Variants in PRKCE observed in about 807,000 individuals in gnomAD.
PRKCE encodes protein kinase C epsilon type.
A neutral mutation model predicts 85.4 loss-of-function variants in PRKCE; 16 were observed. The ratio of observed to expected loss-of-function variants is 0.19; its 90% confidence interval spans 0.13 to 0.28. PRKCE has a LOEUF of 0.28. Ranked by LOEUF, PRKCE falls within the 10% of genes least tolerant of loss-of-function variation. PRKCE has a pLI of 1.00. For missense variants in PRKCE, 573 were observed against 975.2 expected (o/e 0.59, Z 5.49); for synonymous variants, 388 against 371.5 (o/e 1.04, Z -0.51).
chr2:45,803,035 A>AT lies in PRKCE; in HGVS notation c.349-39958dup, dbSNP rs531342654. ...CACAGTATGAAAGGTATAGACACGT[A>AT]TTTTTTTAAGCAATAAGGTATGGCT... On this transcript the variant is annotated intron_variant, in intron 1 of 14. Coordinates refer to ENST00000306156, the MANE Select transcript of PRKCE (RefSeq NM_005400.3). Among the ~76,000 whole-genome samples, 32 of 152,196 alleles carry AT rather than the reference A, an allele frequency of 2.1e-4. 1 individual carries two copies. Among genetic ancestry groups the AT allele is most frequent in the Non-Finnish European group, 3.5e-4 (24 of 68,046 alleles).
intron 1 of PRKCE, among the ~76,000 whole-genome samples, chr2:45,688,596 T>C (rs1432719733): frequency 2.0e-5 from 3 of 152,226 alleles, no homozygotes; most frequent in African/African-American, 7.2e-5. Flanking sequence ...CTGGGCTTTG[T>C]TAATGGTGAA....
chr2:45,661,867 T>G (rs1046515515), intron 1 of PRKCE, among the ~76,000 whole-genome samples: 11 of 152,100 alleles, frequency 7.2e-5, no homozygotes, highest in African/African-American at 2.7e-4. Context: ...TCATGATGAG[T>G]GAATCTAGAA....
chr2:46,010,943 A>G, intron 10 of PRKCE: 1 of 1,416,568 alleles, frequency 7.1e-7, no homozygotes, highest in Non-Finnish European at 9.2e-7. Flanking sequence ...TGTCATCTGA[A>G]ATAAAGGATG....
intron 12 of PRKCE, among the ~76,000 whole-genome samples, chr2:46,147,821 T>C (rs1331445688): frequency 6.6e-6 from 1 of 152,168 alleles, no homozygotes; most frequent in Non-Finnish European, 1.5e-5. Context: ...GAGAATTGAG[T>C]CTTGAGTCCA....
intron 2 of PRKCE, among the ~76,000 whole-genome samples, chr2:45,848,576 G>T (rs1691988603): frequency 6.6e-6 from 1 of 152,200 alleles, no homozygotes; most frequent in Non-Finnish European, 1.5e-5. Context: ...CTCCCAAAGT[G>T]CTGGGATTAC....
At position 45,883,345 on chromosome 2, in the gene PRKCE, T is replaced by C. The variant is rs1695019515; in HGVS notation, c.412+40282T>C. On this transcript the variant is annotated intron_variant, in intron 2 of 14. Coordinates refer to ENST00000306156, the MANE Select transcript of PRKCE (RefSeq NM_005400.3). The stretch of plus-strand genomic sequence containing the variant: ...TGAGGCGCCCTGCAGGGATGACCCT[T>C]GGCTGGCCCATAGTGTGGGTGAAGA... 2.6e-5 allele frequency among the ~76,000 whole-genome samples: 4 copies of C among 152,338 alleles called. No homozygotes were observed. The South Asian group carries it at 8.3e-4, about 32-fold the overall frequency.
At chr2:45,977,653 A>T (rs1401576199) in intron 3 of PRKCE, among the ~76,000 whole-genome samples, 1 of 149,978 alleles carries the variant, frequency 6.7e-6, no homozygotes, top group Non-Finnish European at 1.5e-5. Flanking sequence ...AAAAAAAAAA[A>T]TCTGGAAGGA....
At chr2:46,150,481 C>T (rs1238595354) in intron 12 of PRKCE, among the ~76,000 whole-genome samples, 1 of 152,106 alleles carries the variant, frequency 6.6e-6, no homozygotes, top group East Asian at 1.9e-4. Flanking sequence ...TATAGTGGTC[C>T]TTTATAGGGA....
chr2:46,080,988 C>CACAA (rs1372391633), intron 10 of PRKCE, among the ~76,000 whole-genome samples: 1 of 151,878 alleles, frequency 6.6e-6, no homozygotes, highest in Non-Finnish European at 1.5e-5. Context: ...CACACACACA[C>CACAA]ACACACACAC....
chr2:46,062,871 C>T (rs953793467), intron 10 of PRKCE, among the ~76,000 whole-genome samples: 15 of 152,122 alleles, frequency 9.9e-5, no homozygotes, highest in African/African-American at 3.6e-4. Flanking sequence ...TCAAGTGATC[C>T]TCCCACCTCA....
intron 14 of PRKCE, among the ~76,000 whole-genome samples, chr2:46,176,306 C>T (rs954175533): frequency 5.3e-5 from 8 of 152,030 alleles, no homozygotes; most frequent in African/African-American, 1.9e-4. Flanking sequence ...GGACGAGCAG[C>T]TCCGTGCGTT....
rs1207420559 is a variant in PRKCE at position 45,907,766 on chromosome 2, T to G, written c.412+64703T>G. On this transcript the variant is annotated intron_variant, in intron 2 of 14. Coordinates refer to ENST00000306156, the MANE Select transcript of PRKCE (RefSeq NM_005400.3). The surrounding 1 kb of genome is among the most constrained non-coding windows in gnomAD (Gnocchi z 4.5). Reference sequence around the variant, plus strand: ...GCGTGACTGAGCCAATGGCCACCTCTGGGTCTCTGCTGCCTCCTTCTGAAG... The same window carrying G: ...GCGTGACTGAGCCAATGGCCACCTCGGGGTCTCTGCTGCCTCCTTCTGAAG... Among the ~76,000 whole-genome samples, 1 of 152,230 alleles carries G rather than the reference T, an allele frequency of 6.6e-6. No homozygotes were observed. The highest frequency in any genetic ancestry group is 1.5e-5 in the Non-Finnish European group (1 of 68,030).
At position 45,958,816 on chromosome 2, in the gene PRKCE, ATTTTTTTTTTTTTT is replaced by A. The variant is rs569651784; in HGVS notation, c.413-17587_413-17574del. On this transcript the variant is annotated intron_variant, in intron 2 of 14. Coordinates refer to ENST00000306156, the MANE Select transcript of PRKCE (RefSeq NM_005400.3). ...CATATATATATATATATATATATAT[ATTTTTTTTTTTTTT>A]TTTTTTTTTTTTTTTTTTTTTTTTT... Among the ~76,000 whole-genome samples, 120 of 18,086 alleles carry A rather than the reference ATTTTTTTTTTTTTT, an allele frequency of 6.6e-3. 2 individuals are homozygous for A. Among genetic ancestry groups the A allele is most frequent in the African/African-American group, 0.015 (73 of 5,010 alleles). The allele number at this position is 18,086 out of a possible 152,430, so 11.9% of individuals were successfully genotyped here.
At position 45,980,306 on chromosome 2, in the gene PRKCE, C is replaced by T. The variant is rs1410402179; in HGVS notation, c.618C>T (p.Cys206=). The T allele has an allele frequency of 3.1e-6, 5 of 1,599,638 alleles. No individual in the cohort carries two copies. Among genetic ancestry groups the T allele is most frequent in the East Asian group, 2.2e-5 (1 of 44,868 alleles). ...CTTTGCTATTTGCAGTCTGCACCTG[C>T]GTGGTCCACAAGCGGTGCCACGAGC... ...KQGYQCQVCT[C]VVHKRCHELI... The change falls in exon 5 of 15, where the codon TGC becomes TGT. Residue 206 remains cysteine (C), a synonymous_variant. Transcript: ENST00000306156.
rs1680449482 is a variant in PRKCE at position 46,186,356 on chromosome 2, G to C, written c.*1475G>C. On this transcript the variant is annotated 3_prime_UTR_variant, in exon 15 of 15. Transcript: ENST00000306156. ...TGAGTGGCAAAGTGGCACTAATGAA[G>C]CTTTTGCCTTTTGTACATTTGAGAT... The C allele has an allele frequency of 6.6e-6, 1 of 152,552 alleles. No homozygotes were observed. Among genetic ancestry groups the C allele is most frequent in the African/African-American group, 2.4e-5 (1 of 41,418 alleles). 9.4% of individuals were successfully genotyped at this position (152,552 alleles called of 1,614,324 possible).
intron 2 of PRKCE, among the ~76,000 whole-genome samples, chr2:45,939,633 C>T (rs1699737625): frequency 6.6e-6 from 1 of 152,058 alleles, no homozygotes. Flanking sequence ...CAGCTCACTG[C>T]AACCTCCGCC....
At chr2:46,178,248 G>A (rs1679623931) in intron 14 of PRKCE, among the ~76,000 whole-genome samples, 3 of 152,242 alleles carry the variant, frequency 2.0e-5, no homozygotes, top group South Asian at 2.1e-4. Flanking sequence ...CAACAAGAGC[G>A]AAACTCTGTC....
At chr2:45,990,407 C>T (rs1272539661) in intron 6 of PRKCE, among the ~76,000 whole-genome samples, 1 of 152,160 alleles carries the variant, frequency 6.6e-6, no homozygotes, top group Non-Finnish European at 1.5e-5. Context: ...CAGTCCTCTC[C>T]AAGGGAGGGA....
chr2:45,711,350 C>A (rs1001025809), intron 1 of PRKCE, among the ~76,000 whole-genome samples: 1 of 152,214 alleles, frequency 6.6e-6, no homozygotes, highest in African/African-American at 2.4e-5. Flanking sequence ...AGCGAGGACT[C>A]AGGCCAGACT....
Sources: gnomAD v4.1 joint callset for allele counts (sites outside exome capture counted in the v4.1 genomes callset) on GRCh38, gnomAD v4.1.1 for gene constraint, Gnocchi (gnomAD v3.1) non-coding constraint, MANE v1.5 for transcripts, NCBI Gene and HGNC (gene_info 2026-07-23, HGNC 2026-07-21) for gene names.